The following SCARF2 variants were observed in gnomAD, a reference collection of about 807,000 sequenced individuals.
The protein encoded by SCARF2 is scavenger receptor expressed by endothelial cells 2 protein.
Under a neutral mutation model 73.4 loss-of-function variants are expected in SCARF2, and 39 were observed. The ratio of observed to expected loss-of-function variants is 0.53; its 90% CI spans 0.41 to 0.69. The LOEUF (loss-of-function observed/expected upper bound fraction) is 0.69. Ranked by LOEUF, SCARF2 falls within the 30% of genes least tolerant of loss-of-function variation. The pLI is 0.00. For synonymous variants in SCARF2, 605 were observed against 590.0 expected (o/e 1.03, Z -0.37); for missense variants, 1,148 against 1,303.5 (o/e 0.88, Z 1.84).
Position 20,425,556 on chromosome 22 carries a change from A to T in SCARF2, c.2420T>A (p.Val807Glu). 7.5e-7 allele frequency: 1 copy of T among 1,340,230 alleles called. No homozygotes were observed. The highest frequency in any genetic ancestry group is 9.5e-7 in the Non-Finnish European group (1 of 1,049,708). 83.0% of individuals were successfully genotyped at this position (1,340,230 alleles called of 1,614,324 possible). ...CGCGCGGGCGGGCGAGGCTGGCGGC[A>T]CGGAGCGCTTGGCTTTCTGTGGGGG... ...PAPPQKAKRS[V>E]PPASPARAPP... Residue 807 changes from valine (V) to glutamate (E), a missense_variant, in exon 11 of 11, where the codon GTG becomes GAG. Transcript: ENST00000622235. This position sits in a 1 kb window ranked among gnomAD's most constrained non-coding sequence, Gnocchi z 4.6.
In SCARF2 at chr22:20,429,564, C is replaced by T; in HGVS notation, c.1396G>A (p.Ala466Thr). 2 of 1,613,140 alleles carry T rather than the reference C, an allele frequency of 1.2e-6. No homozygotes were observed. The highest frequency in any genetic ancestry group is 1.7e-6 in the Non-Finnish European group (2 of 1,179,828). ...CGCGTAGGGTCCTTGCCGCGGCAAG[C>T]GCAGCAGCAGCCGAGCAGCGAGAGC... is the stretch of plus-strand genomic sequence containing the variant. Reference protein sequence around the residue: ...LLLSLLGCCCACRGKDPTRRE... With the variant: ...LLLSLLGCCCTCRGKDPTRRE... The change falls in exon 8 of 11, where the codon GCT becomes ACT. Residue 466 changes from alanine (A) to threonine (T), a missense_variant. Physicochemically the swap from Ala to Thr is moderately conservative, Grantham distance 58. Transcript: ENST00000622235. The surrounding 1 kb of genome is among the most constrained non-coding windows in gnomAD (Gnocchi z 5.2).
chr22:20,430,925 AG>A lies in SCARF2; in HGVS notation c.855-18del. 4.5e-6 allele frequency: 7 copies of A among 1,568,598 alleles called. No homozygotes were observed. Among genetic ancestry groups the A allele is most frequent in the Non-Finnish European group, 6.0e-6 (7 of 1,161,192 alleles). ...TGGCCACACCTGGGGGAGGGGTCGG[AG>A]GCTAGGGAAGGCTGGGACCCGCCTC... On this transcript the variant is annotated intron_variant, in intron 4 of 10. Coordinates refer to ENST00000622235, the MANE Select transcript of SCARF2 (RefSeq NM_182895.5).
chr22:20,429,393 C>A lies in SCARF2; in HGVS notation c.1425-53G>T, dbSNP rs745684213. ...GCGGGGCCGGGGCGGGGCCCAGGGG[C>A]GATTAGATCTCGGCCGGAGCCAAGC... On this transcript the variant is annotated intron_variant, in intron 8 of 10. Coordinates refer to ENST00000622235, the MANE Select transcript of SCARF2 (RefSeq NM_182895.5). This position sits in a 1 kb window ranked among gnomAD's most constrained non-coding sequence, Gnocchi z 5.2. 33 of 1,558,954 alleles carry A rather than the reference C, an allele frequency of 2.1e-5. No individual in the cohort carries two copies. In the African/African-American group the frequency reaches 4.4e-4, roughly 21 times the overall value.
In SCARF2 at chr22:20,427,670, AG is replaced by A. The variant is rs574889900; in HGVS notation, c.1541-121del. 749 of 1,142,792 alleles carry A rather than the reference AG, an allele frequency of 6.6e-4. 3 individuals are homozygous for A. The East Asian group carries it at 0.018, about 27-fold the overall frequency. The allele number at this position is 1,142,792 out of a possible 1,614,324, so 70.8% of individuals were successfully genotyped here. ...AAGACCAGCCCTATTCTTGGACTGCAGGGGGCACAGGCAACTCAACAGGTAC... is the reference window on the plus strand; with the variant it reads ...AAGACCAGCCCTATTCTTGGACTGCAGGGGCACAGGCAACTCAACAGGTAC... On this transcript the variant is annotated intron_variant, in intron 9 of 10. Coordinates refer to ENST00000622235, the MANE Select transcript of SCARF2 (RefSeq NM_182895.5).
intron 6 of SCARF2, 117 bp downstream of exon 6, chr22:20,430,312 A>G: frequency 7.9e-7 from 1 of 1,261,236 alleles, no homozygotes; most frequent in South Asian, 1.5e-5. Flanking sequence ...TAGCTGGGGT[A>G]AGGGACCAAG....
chr22:20,426,223 G>A lies in SCARF2; in HGVS notation c.1753C>T (p.Pro585Ser). 6.5e-7 allele frequency: 1 copy of A among 1,534,002 alleles called. No individual in the cohort carries two copies. The highest frequency in any genetic ancestry group is 8.7e-7 in the Non-Finnish European group (1 of 1,146,222). ...VPTVPAEAPA[P>S]SPVPLTTPAS... ...GGCGTGGTCAAGGGCACAGGGGACG[G>A]CGCCGGCGCCTCGGCAGGGACAGTG... is the stretch of plus-strand genomic sequence containing the variant. The change falls in exon 11 of 11, where the codon CCG (proline) becomes TCG (serine). Residue 585 changes from proline (P) to serine (S), a missense_variant. This residue lies in a region of SCARF2 where 437 missense variants were observed against 433.6 expected (regional missense o/e 1.01). Transcript: ENST00000622235.
chr22:20,428,699 G>A (rs570199412), intron 9 of SCARF2, among the ~76,000 whole-genome samples: 1 of 152,180 alleles, frequency 6.6e-6, no homozygotes, highest in Admixed American at 6.5e-5. Context: ...GAGAGGAAGA[G>A]AGGGTCCACC....
intron 1 of SCARF2, 71 bp downstream of exon 1, chr22:20,437,511 A>T (rs1197872652): frequency 3.4e-6 from 5 of 1,474,968 alleles, no homozygotes; most frequent in South Asian, 1.2e-5. Context: ...CCCCCTCCCA[A>T]TGCCCGGCGC....
At position 20,425,936 on chromosome 22, in the gene SCARF2, C is replaced by G. The variant is rs772560684; in HGVS notation, c.2040G>C (p.Ala680=). The change falls in exon 11 of 11, where the codon GCG becomes GCC. Residue 680 remains alanine, a synonymous_variant. Transcript: ENST00000622235. The surrounding 1 kb of genome is among the most constrained non-coding windows in gnomAD (Gnocchi z 4.6). ...GKHSAAAAGR[A]PSPPPPGSEA... ...CGGAGCCTGGCGGCGGTGGTGAGGG[C>G]GCACGGCCAGCTGCAGCGGCGCTGT... The G allele has an allele frequency of 2.6e-5, 42 of 1,595,420 alleles. No individual in the cohort carries two copies. Among genetic ancestry groups the G allele is most frequent in the Non-Finnish European group, 7.7e-6 (9 of 1,174,778 alleles).
intron 6 of SCARF2, 107 bp downstream of exon 6, chr22:20,430,321 AG>A: frequency 2.2e-6 from 3 of 1,356,940 alleles, no homozygotes; most frequent in Non-Finnish European, 3.0e-6. Flanking sequence ...TAAGGGACCA[AG>A]GCTGAGGTGA....
rs1843154764 is a variant in SCARF2, at chr22:20,427,651, A to AG, written c.1541-102dup. Reference sequence around the variant, plus strand: ...AAATGTTGATGGGGTGACCAAGACCAGCCCTATTCTTGGACTGCAGGGGGC... The same window carrying AG: ...AAATGTTGATGGGGTGACCAAGACCAGGCCCTATTCTTGGACTGCAGGGGGC... On this transcript the variant is annotated intron_variant, in intron 9 of 10. Transcript: ENST00000622235. 6 of 1,420,920 alleles carry AG rather than the reference A, an allele frequency of 4.2e-6. No individual in the cohort carries two copies. The South Asian group carries it at 7.6e-5, about 18-fold the overall frequency. 88.0% of individuals were successfully genotyped at this position (1,420,920 alleles called of 1,614,324 possible). A position where few individuals can be genotyped will look rare whatever the true frequency, so the allele number is the denominator to read the frequency against.
intron 1 of SCARF2, among the ~76,000 whole-genome samples, chr22:20,433,909 G>C (rs2052672178): frequency 6.6e-6 from 1 of 152,210 alleles, no homozygotes; most frequent in South Asian, 2.1e-4. Context: ...CCTGTGGGGA[G>C]CTTTGCCAGG....
chr22:20,437,500 G>C, intron 1 of SCARF2, 82 bp downstream of exon 1: 1 of 1,411,872 alleles, frequency 7.1e-7, no homozygotes, highest in African/African-American at 1.5e-5. Context: ...GGTTCCGGTA[G>C]CCCCCTCCCA....
chr22:20,428,860 T>G (rs1569107434), intron 9 of SCARF2, among the ~76,000 whole-genome samples: 1 of 151,966 alleles, frequency 6.6e-6, no homozygotes, highest in Non-Finnish European at 1.5e-5. Context: ...GGCAGGGCAC[T>G]CCCGTGGCCA....
chr22:20,431,082 A>T lies in SCARF2; in HGVS notation c.790T>A (p.Tyr264Asn). The change falls in exon 4 of 11, where the codon TAC becomes AAC. Residue 264 changes from tyrosine to asparagine, a missense_variant. By Grantham distance (143) the Tyr-to-Asn change is moderately radical. Coordinates refer to ENST00000622235, the MANE Select transcript of SCARF2 (RefSeq NM_182895.5). ...GGCTCGCGACAGTACTTGCCGCGGT[A>T]GCCCGGCTCGCAGGCACACGTGCCG... ...VDGTCACEPG[Y>N]RGKYCREPCP... 6.5e-7 allele frequency: 1 copy of T among 1,547,838 alleles called. No individual in the cohort carries two copies. The highest frequency in any genetic ancestry group is 8.7e-7 in the Non-Finnish European group (1 of 1,153,684).
In SCARF2 at chr22:20,430,849, C is replaced by G; in HGVS notation, c.914G>C (p.Cys305Ser). 6.2e-7 allele frequency: 1 copy of G among 1,607,020 alleles called. No homozygotes were observed. Among genetic ancestry groups the G allele is most frequent in the Non-Finnish European group, 8.5e-7 (1 of 1,178,208 alleles). ...CTVAEGRCLT[C>S]EPGWNGTKCD... ...CTTGGTTCCGTTCCAGCCGGGCTCG[C>G]ACGTCAAGCAGCGGCCCTCGGCCAC... The change falls in exon 5 of 11, where the codon TGC becomes TCC. Residue 305 changes from cysteine to serine, a missense_variant. Physicochemically the swap from Cys to Ser is moderately radical, Grantham distance 112. This residue lies in a region of SCARF2 where 372 missense variants were observed against 532.0 expected (regional missense o/e 0.70). Transcript: ENST00000622235.
Position 20,426,181 on chromosome 22 carries a change from C to T in SCARF2, c.1795G>A (p.Ala599Thr), listed in dbSNP as rs552200212. 1 of 1,508,814 alleles carries T rather than the reference C, an allele frequency of 6.6e-7. No individual in the cohort carries two copies. Among genetic ancestry groups the T allele is most frequent in the Admixed American group, 2.1e-5 (1 of 47,024 alleles). 93.5% of individuals were successfully genotyped at this position (1,508,814 alleles called of 1,614,324 possible). A position where few individuals can be genotyped will look rare whatever the true frequency, so the allele number is the denominator to read the frequency against. Residue 599 changes from alanine (A) to threonine (T), a missense_variant, in exon 11 of 11, where the codon GCG (alanine) becomes ACG (threonine). Ala to Thr is a moderately conservative substitution (Grantham distance 58). Transcript: ENST00000622235. Reference sequence around the variant, plus strand: ...TCGGAGGACGCGGGGAGGGGTATCGCCTCCTCGGCGGAGGCTGGCGTGGTC... The same window carrying T: ...TCGGAGGACGCGGGGAGGGGTATCGTCTCCTCGGCGGAGGCTGGCGTGGTC... ...PLTTPASAEE[A>T]IPLPASSDSE...
At position 20,425,629 on chromosome 22, in the gene SCARF2, G is replaced by A. The variant is rs752030552; in HGVS notation, c.2347C>T (p.Arg783Cys). Residue 783 changes from arginine (R) to cysteine (C), a missense_variant, in exon 11 of 11, where the codon CGC becomes TGC. Coordinates refer to ENST00000622235, the MANE Select transcript of SCARF2 (RefSeq NM_182895.5). This position sits in a 1 kb window ranked among gnomAD's most constrained non-coding sequence, Gnocchi z 4.6. ...ELRGKTRSLG[R>C]AEVALGAQGP... ...TGCGCGCCCAGGGCCACCTCGGCGC[G>A]GCCCAGGCTGCGAGTCTTGCCGCGC... is the stretch of plus-strand genomic sequence containing the variant. 3.8e-6 allele frequency: 5 copies of A among 1,309,068 alleles called. No individual in the cohort carries two copies. Among genetic ancestry groups the A allele is most frequent in the Non-Finnish European group, 4.8e-6 (5 of 1,031,238 alleles). The allele number at this position is 1,309,068 out of a possible 1,614,324, so 81.1% of individuals were successfully genotyped here. A position where few individuals can be genotyped will look rare whatever the true frequency, so the allele number is the denominator to read the frequency against.
At position 20,431,802 on chromosome 22, in the gene SCARF2, C is replaced by A; in HGVS notation, c.277G>T (p.Val93Leu). ...NSTCSENEVCVRPGECRCRHG... is the reference protein window; with the variant it reads ...NSTCSENEVCLRPGECRCRHG... ...CGGCAGCGGCACTCGCCAGGCCTCA[C>A]GCACACCTCGTTCTCTGAGCACGTG... Residue 93 changes from valine (V) to leucine (L), a missense_variant, in exon 3 of 11, where the codon GTG becomes TTG. Physicochemically the swap from Val to Leu is conservative, Grantham distance 32. Transcript: ENST00000622235. 3 of 1,597,322 alleles carry A rather than the reference C, an allele frequency of 1.9e-6. No individual in the cohort carries two copies. Among genetic ancestry groups the A allele is most frequent in the Non-Finnish European group, 2.6e-6 (3 of 1,173,170 alleles).
Sources: allele counts gnomAD v4.1 joint callset (sites outside exome capture counted in the v4.1 genomes callset), GRCh38; gene constraint gnomAD v4.1.1; regional missense constraint gnomAD v4.1.1; non-coding constraint Gnocchi (gnomAD v3.1); transcripts MANE v1.5; gene names NCBI Gene and HGNC (gene_info 2026-07-23, HGNC 2026-07-21).